NFKB1: variants seen among roughly 807,000 people sequenced by gnomAD.
The protein encoded by NFKB1 is nuclear factor kappa B subunit 1, also known as nuclear factor NF-kappa-B p105 subunit.
In NFKB1, 9 loss-of-function variants were observed where a neutral mutation model predicts 105.1. The observed-to-expected ratio is 0.09, with a 90% CI of 0.05 to 0.15. NFKB1 has a LOEUF of 0.15. NFKB1 is among the 10% of genes least tolerant of loss of function. The pLI is 1.00. For synonymous variants in NFKB1, 440 were observed against 442.2 expected (o/e 1.00, Z 0.06); for missense variants, 830 against 1,203.7 (o/e 0.69, Z 4.59).
chr4:102,524,300 G>C (rs574338336), intron 1 of NFKB1, among the ~76,000 whole-genome samples: 269 of 152,292 alleles, frequency 1.8e-3, no homozygotes, highest in Non-Finnish European at 2.6e-3. Flanking sequence ...AGGGCCTGCA[G>C]TATATTAATG....
chr4:102,608,280 GCACTTTA>G (rs1728014113), intron 19 of NFKB1, among the ~76,000 whole-genome samples: 1 of 152,184 alleles, frequency 6.6e-6, no homozygotes, highest in Non-Finnish European at 1.5e-5. Context: ...ACTGTGATAT[GCACTTTA>G]TGTGCACAGT....
At chr4:102,546,014 GA>G (rs1449186488) in intron 5 of NFKB1, among the ~76,000 whole-genome samples, 1 of 152,128 alleles carries the variant, frequency 6.6e-6, no homozygotes, top group African/African-American at 2.4e-5. Context: ...ACACTTTTGG[GA>G]GGCCAAGGCA....
intron 15 of NFKB1, among the ~76,000 whole-genome samples, chr4:102,600,247 ACATTC>A (rs1183842863): frequency 2.0e-5 from 3 of 152,206 alleles, no homozygotes; most frequent in African/African-American, 7.2e-5. Flanking sequence ...AGGAGCAAAA[ACATTC>A]CAGGCAGAGG....
In NFKB1 at chr4:102,607,213, C is replaced by G. The variant is rs1016498801; in HGVS notation, c.2018C>G (p.Ala673Gly). The G allele has an allele frequency of 1.9e-6, 3 of 1,614,220 alleles. No homozygotes were observed. In the South Asian group the frequency reaches 3.3e-5, roughly 18 times the overall value. ...CTGCCATGTTTGCTGCTGCTGGTGG[C>G]CGCTGGGGCTGACGTCAATGCTCAG... The part of the protein sequence containing the change: ...NSLPCLLLLV[A>G]AGADVNAQEQ... The change falls in exon 18 of 24, where the codon GCC becomes GGC. Residue 673 changes from alanine to glycine, a missense_variant. By Grantham distance (60) the Ala-to-Gly change is moderately conservative. This residue lies in a region of NFKB1 where 418 missense variants were observed against 575.3 expected (regional missense o/e 0.73). Transcript: ENST00000226574.
At chr4:102,511,884 G>A (rs967142690) in intron 1 of NFKB1, among the ~76,000 whole-genome samples, 2 of 152,076 alleles carry the variant, frequency 1.3e-5, no homozygotes, top group Non-Finnish European at 2.9e-5. Context: ...TCTTAGTTAG[G>A]ACCCCTTCCC....
chr4:102,523,092 A>G (rs1740672073), intron 1 of NFKB1, among the ~76,000 whole-genome samples: 1 of 152,194 alleles, frequency 6.6e-6, no homozygotes, highest in Admixed American at 6.6e-5. Flanking sequence ...AATCCATTCC[A>G]TCAAAATCTG....
At chr4:102,507,851 A>G (rs933358684) in intron 1 of NFKB1, among the ~76,000 whole-genome samples, 2 of 152,230 alleles carry the variant, frequency 1.3e-5, no homozygotes, top group African/African-American at 4.8e-5. Flanking sequence ...GGGCACACCT[A>G]TCCCTCTTTA....
At chr4:102,578,681 T>G in intron 7 of NFKB1, 200 bp from the exon 8 acceptor site, 1 of 517,878 alleles carries the variant, frequency 1.9e-6, no homozygotes, top group South Asian at 3.5e-5. Flanking sequence ...CCGGAGAAAA[T>G]GCAGGTCTTC....
intron 1 of NFKB1, among the ~76,000 whole-genome samples, chr4:102,509,176 C>T (rs566092109): frequency 1.3e-5 from 2 of 152,324 alleles, no homozygotes; most frequent in East Asian, 3.9e-4. Flanking sequence ...TACTCACTCT[C>T]ATACCATATC....
chr4:102,517,256 A>G (rs1240875879), intron 1 of NFKB1, among the ~76,000 whole-genome samples: 1 of 152,208 alleles, frequency 6.6e-6, no homozygotes, highest in African/African-American at 2.4e-5. Context: ...GGGCGAATTT[A>G]GAATTTACCT....
At chr4:102,567,445 A>G (rs890999829) in intron 6 of NFKB1, among the ~76,000 whole-genome samples, 2 of 152,198 alleles carry the variant, frequency 1.3e-5, no homozygotes, top group Non-Finnish European at 2.9e-5. Context: ...TTGTGCCACT[A>G]TTAATTTTTT....
At chr4:102,546,879 TA>T (rs1722180901) in intron 5 of NFKB1, among the ~76,000 whole-genome samples, 1 of 152,152 alleles carries the variant, frequency 6.6e-6, no homozygotes, top group South Asian at 2.1e-4. Context: ...TGAGAATCAA[TA>T]ACTACAAGCC....
At chr4:102,553,067 A>G (rs758910698) in intron 5 of NFKB1, among the ~76,000 whole-genome samples, 2 of 152,180 alleles carry the variant, frequency 1.3e-5, no homozygotes, top group African/African-American at 2.4e-5. Context: ...GGAAATCACA[A>G]TAGAATAGTT....
At chr4:102,601,126 AC>A in intron 16 of NFKB1, 117 bp downstream of exon 16, 2 of 639,654 alleles carry the variant, frequency 3.1e-6, no homozygotes, top group South Asian at 3.9e-5. Flanking sequence ...ACAAAAACAA[AC>A]CTTTGTAGGT....
chr4:102,607,844 A>G, intron 19 of NFKB1, 93 bp downstream of exon 19: 1 of 1,048,220 alleles, frequency 9.5e-7, no homozygotes, highest in Admixed American at 1.7e-5. Flanking sequence ...TCTTTAAGCC[A>G]CAGACCTACT....
chr4:102,524,034 A>G (rs570048343), intron 1 of NFKB1, among the ~76,000 whole-genome samples: 26 of 152,256 alleles, frequency 1.7e-4, no homozygotes, highest in South Asian at 4.1e-4. Context: ...TTTATGAAAA[A>G]AAAAAAGAAA....
chr4:102,574,328 A>G (rs979756988), intron 6 of NFKB1, among the ~76,000 whole-genome samples: 3 of 152,188 alleles, frequency 2.0e-5, no homozygotes, highest in Non-Finnish European at 2.9e-5. Context: ...CTGATGCTCC[A>G]TGTATTACAA....
intron 16 of NFKB1, 28 bp from the exon 17 acceptor site, chr4:102,606,468 G>A: frequency 6.2e-7 from 1 of 1,610,512 alleles, no homozygotes; most frequent in Non-Finnish European, 8.5e-7. Flanking sequence ...CTGCTGACCA[G>A]TGAATCTCCT....
At chr4:102,584,860 T>G in intron 11 of NFKB1, 40 bp downstream of exon 11, 1 of 1,542,284 alleles carries the variant, frequency 6.5e-7, no homozygotes, top group Non-Finnish European at 8.8e-7. Context: ...ATATTTTATT[T>G]TATTTTATTT....
Sources: allele counts gnomAD v4.1 joint callset (sites outside exome capture counted in the v4.1 genomes callset), GRCh38; gene constraint gnomAD v4.1.1; regional missense constraint gnomAD v4.1.1; transcripts MANE v1.5; gene names NCBI Gene and HGNC (gene_info 2026-07-23, HGNC 2026-07-21).